KIF1B: variants seen among roughly 807,000 people sequenced by gnomAD.
KIF1B encodes the protein kinesin family member 1B.
In KIF1B, 76 loss-of-function variants were observed where a neutral mutation model predicts 241.9. That is an observed-to-expected ratio of 0.31 (90% CI 0.26 to 0.38). KIF1B has a LOEUF of 0.38. Ranked by LOEUF, KIF1B falls within the 10% of genes least tolerant of loss-of-function variation. The probability of loss-of-function intolerance (pLI) is 1.00; values close to 1 mark genes in which losing one functional copy is unlikely to be tolerated. For synonymous variants in KIF1B, 750 were observed against 796.7 expected, an observed-to-expected ratio of 0.94 and a Z score of 0.99; for missense variants, 1,622 against 2,271.4, an observed-to-expected ratio of 0.71 and a Z score of 5.81.
rs1177367315 is a variant in KIF1B at position 10,345,854 on chromosome 1, C to T, written c.3698C>T (p.Thr1233Ile). Residue 1233 changes from threonine (T) to isoleucine (I), a missense_variant, in exon 35 of 49, where the codon ACC becomes ATC. Thr to Ile is a moderately conservative substitution (Grantham distance 89). Coordinates refer to ENST00000676179, the MANE Select transcript of KIF1B (RefSeq NM_001365951.3). Reference sequence around the variant, plus strand: ...TAAAAACTTTTAAAAGTTCCAGCCACCAAGTTAAACACGATGAGCAAAACC... The same window carrying T: ...TAAAAACTTTTAAAAGTTCCAGCCATCAAGTTAAACACGATGAGCAAAACC... ...PMPLSKPVPATKLNTMSKTSL... is the reference protein window; with the variant it reads ...PMPLSKPVPAIKLNTMSKTSL... The T allele has an allele frequency of 3.1e-6, 5 of 1,613,988 alleles. No homozygotes were observed. Among genetic ancestry groups the T allele is most frequent in the Non-Finnish European group, 4.2e-6 (5 of 1,179,910 alleles).
chr1:10,267,339 T>C, intron 5 of KIF1B, 41 bp from the exon 6 acceptor site: 1 of 1,578,808 alleles, frequency 6.3e-7, no homozygotes, highest in Non-Finnish European at 8.6e-7. Flanking sequence ...CTGTATGTGA[T>C]TTCTTTTTCA....
chr1:10,342,385 C>A (rs892313071), intron 33 of KIF1B, among the ~76,000 whole-genome samples: 1 of 152,124 alleles, frequency 6.6e-6, no homozygotes, highest in Non-Finnish European at 1.5e-5. Context: ...ACCTCAAATA[C>A]CATCTTTTTG....
At chr1:10,271,052 T>C (rs1557678892) in intron 7 of KIF1B, among the ~76,000 whole-genome samples, 1 of 152,152 alleles carries the variant, frequency 6.6e-6, no homozygotes. Context: ...TAGTAAGCCA[T>C]TTAATGAGTT....
chr1:10,320,318 T>C (rs1651469945), intron 23 of KIF1B, among the ~76,000 whole-genome samples, 182 bp downstream of exon 23: 2 of 152,204 alleles, frequency 1.3e-5, no homozygotes, highest in Admixed American at 1.3e-4. Flanking sequence ...CAGGCTGTAT[T>C]TTATGAGGTG....
chr1:10,244,207 A>G (rs1204647791), intron 2 of KIF1B, among the ~76,000 whole-genome samples: 1 of 151,780 alleles, frequency 6.6e-6, no homozygotes, highest in East Asian at 1.9e-4. Context: ...ATGTTTCTAT[A>G]TTGTGAGGAG....
chr1:10,260,858 A>G (rs1304479389), intron 4 of KIF1B, among the ~76,000 whole-genome samples: 1 of 149,150 alleles, frequency 6.7e-6, no homozygotes, highest in Non-Finnish European at 1.5e-5. Context: ...CAAGAGTGAA[A>G]CTCGGTCTCA....
intron 1 of KIF1B, among the ~76,000 whole-genome samples, chr1:10,228,990 T>G (rs1005429045): frequency 1.3e-5 from 2 of 152,162 alleles, no homozygotes; most frequent in Admixed American, 1.3e-4. Flanking sequence ...GGGGAGAAGA[T>G]AATGGTTTTT....
Position 10,324,887 on chromosome 1 carries a change from T to C in KIF1B, c.2667T>C (p.Leu889=). 1 of 1,614,068 alleles carries C rather than the reference T, an allele frequency of 6.2e-7. No homozygotes were observed. Among genetic ancestry groups the C allele is most frequent in the Non-Finnish European group, 8.5e-7 (1 of 1,180,012 alleles). Residue 889 remains leucine, a synonymous_variant, in exon 26 of 49, where the codon CTT becomes CTC. Transcript: ENST00000676179. The part of the protein sequence containing the change: ...PFYDRFHWFK[L]VGSSPIFHGC... ...ATGATCGGTTCCACTGGTTCAAACT[T>C]GTGGGGAGGTATGTGATGATTTTGT...
intron 5 of KIF1B, among the ~76,000 whole-genome samples, chr1:10,263,339 T>C (rs1012141123): frequency 6.6e-6 from 1 of 151,512 alleles, no homozygotes; most frequent in Admixed American, 6.6e-5. Flanking sequence ...CCTCCCTCTC[T>C]CTCTCACCGC....
At chr1:10,333,037 C>T (rs1652015616) in intron 27 of KIF1B, among the ~76,000 whole-genome samples, 1 of 151,324 alleles carries the variant, frequency 6.6e-6, no homozygotes, top group Non-Finnish European at 1.5e-5. Context: ...GTCTCGAACT[C>T]CTGGCCTCAG....
At position 10,303,554 on chromosome 1, in the gene KIF1B, G is replaced by A. The variant is rs932771381; in HGVS notation, c.2115+6308G>A. 50 of 1,614,066 alleles carry A rather than the reference G, an allele frequency of 3.1e-5. No homozygotes were observed. Among genetic ancestry groups the A allele is most frequent in the Non-Finnish European group, 4.2e-5 (50 of 1,180,034 alleles). ...CGGGACTCCTGGAGGGCAGTGGCCAGGGACGTCTGGGATACCGTCGGTGTT... is the reference window on the plus strand; with the variant it reads ...CGGGACTCCTGGAGGGCAGTGGCCAAGGACGTCTGGGATACCGTCGGTGTT... On this transcript the variant is annotated intron_variant, in intron 22 of 48. Coordinates refer to ENST00000676179, the MANE Select transcript of KIF1B (RefSeq NM_001365951.3). The surrounding 1 kb of genome is among the most constrained non-coding windows in gnomAD (Gnocchi z 5.2).
intron 25 of KIF1B, 138 bp from the exon 26 acceptor site, chr1:10,324,620 C>A: frequency 1.9e-6 from 2 of 1,027,942 alleles, no homozygotes; most frequent in Non-Finnish European, 2.9e-6. Context: ...GGGCTTCATT[C>A]TTTTTAGTAA....
At position 10,304,723 on chromosome 1, in the gene KIF1B, C is replaced by T. The variant is rs1569779285; in HGVS notation, c.2115+7477C>T. On this transcript the variant is annotated intron_variant, in intron 22 of 48. Transcript: ENST00000676179. ...AGCTCATGATTTGATTTGGTTCTAC[C>T]TTTGGCCTTGAGTTCTTATTATTTA... 8.2e-6 allele frequency: 13 copies of T among 1,585,308 alleles called. No individual in the cohort carries two copies. The South Asian group carries it at 1.3e-4, about 15-fold the overall frequency.
At position 10,337,400 on chromosome 1, in the gene KIF1B, A is replaced by G; in HGVS notation, c.3289A>G (p.Lys1097Glu). The G allele has an allele frequency of 3.1e-6, 5 of 1,614,172 alleles. No individual in the cohort carries two copies. The highest frequency in any genetic ancestry group is 4.2e-6 in the Non-Finnish European group (5 of 1,180,034). The change falls in exon 31 of 49, where the codon AAG (lysine) becomes GAG (glutamate). Residue 1097 changes from lysine to glutamate, a missense_variant. Coordinates refer to ENST00000676179, the MANE Select transcript of KIF1B (RefSeq NM_001365951.3). The surrounding 1 kb of genome is among the most constrained non-coding windows in gnomAD (Gnocchi z 4.0). ...DLKSSTLLDG[K>E]MVMEGFSEEI... Reference sequence around the variant, plus strand: ...GAAGTCAAGCACTTTGCTGGATGGTAAGATGGTAATGGAAGGGTTTTCTGA... The same window carrying G: ...GAAGTCAAGCACTTTGCTGGATGGTGAGATGGTAATGGAAGGGTTTTCTGA...
rs1328955395 is a variant in KIF1B at position 10,377,383 on chromosome 1, C to T, written c.*796C>T. ...TGCCAAGGATGCTTCTGGTGGACTTCAGGGGACCCCAGGGTTTGGCCGTGG... is the reference window on the plus strand; with the variant it reads ...TGCCAAGGATGCTTCTGGTGGACTTTAGGGGACCCCAGGGTTTGGCCGTGG... On this transcript the variant is annotated 3_prime_UTR_variant, in exon 49 of 49. Transcript: ENST00000676179. 3.5e-5 allele frequency: 8 copies of T among 227,528 alleles called. No homozygotes were observed. The highest frequency in any genetic ancestry group is 2.8e-4 in the Admixed American group (5 of 17,552). The allele number at this position is 227,528 out of a possible 1,614,324, so 14.1% of individuals were successfully genotyped here.
At chr1:10,334,668 G>A in intron 28 of KIF1B, 30 bp downstream of exon 28, 1 of 1,536,940 alleles carries the variant, frequency 6.5e-7, no homozygotes, top group Non-Finnish European at 9.0e-7. Context: ...AATGAGAGCT[G>A]TGAGTTCTTT....
intron 2 of KIF1B, among the ~76,000 whole-genome samples, chr1:10,237,283 T>C (rs1647069514): frequency 6.6e-6 from 1 of 152,158 alleles, no homozygotes; most frequent in Admixed American, 6.6e-5. Context: ...AATTACTTGG[T>C]AAAAAGGGAA....
At position 10,275,576 on chromosome 1, in the gene KIF1B, C is replaced by G. The variant is rs188612023; in HGVS notation, c.958+73C>G. ...TCTTTTGTGGTTAATTGTCCTGTGTCTGTTTTGGAGACAAATAATCTCTAG... is the reference window on the plus strand; with the variant it reads ...TCTTTTGTGGTTAATTGTCCTGTGTGTGTTTTGGAGACAAATAATCTCTAG... On this transcript the variant is annotated intron_variant, in intron 11 of 48. Coordinates refer to ENST00000676179, the MANE Select transcript of KIF1B (RefSeq NM_001365951.3). 3.9e-4 allele frequency: 350 copies of G among 901,894 alleles called. 1 individual carries two copies. The Middle Eastern group carries it at 8.5e-3, about 22-fold the overall frequency. The allele number at this position is 901,894 out of a possible 1,614,324, so 55.9% of individuals were successfully genotyped here.
intron 2 of KIF1B, among the ~76,000 whole-genome samples, chr1:10,240,030 T>A (rs1376252828): frequency 6.6e-6 from 1 of 151,978 alleles, no homozygotes; most frequent in South Asian, 2.1e-4. Flanking sequence ...CCTCCCAAAG[T>A]GTTGGGATTA....
Sources: gnomAD v4.1 joint callset for allele counts (sites outside exome capture counted in the v4.1 genomes callset) on GRCh38, gnomAD v4.1.1 for gene constraint, Gnocchi (gnomAD v3.1) non-coding constraint, MANE v1.5 for transcripts, NCBI Gene and HGNC (gene_info 2026-07-23, HGNC 2026-07-21) for gene names.